IL17RB: variants seen among roughly 807,000 people sequenced by gnomAD.
IL17RB encodes the protein interleukin-17 receptor B.
In IL17RB, 36 loss-of-function variants were observed where a neutral mutation model predicts 43.9. That is an observed-to-expected ratio of 0.82 (90% CI 0.63 to 1.08). The LOEUF (loss-of-function observed/expected upper bound fraction) is 1.08. Among genes scored for constraint, IL17RB ranks in the 50% least tolerant of loss-of-function variants. The probability of loss-of-function intolerance (pLI) is 0.00; values close to 1 mark genes in which losing one functional copy is unlikely to be tolerated. For missense variants in IL17RB, 613 were observed against 613.6 expected (o/e 1.00, Z 0.01); for synonymous variants, 225 against 225.4 (o/e 1.00, Z 0.02).
chr3:53,858,580 C>T lies in IL17RB; in HGVS notation c.748-139C>T, dbSNP rs370520667. 1.8e-5 allele frequency: 26 copies of T among 1,452,788 alleles called. No homozygotes were observed. The African/African-American group carries it at 3.7e-4, about 21-fold the overall frequency. 90.0% of individuals were successfully genotyped at this position (1,452,788 alleles called of 1,614,324 possible). On this transcript the variant is annotated intron_variant, in intron 8 of 10. Coordinates refer to ENST00000288167, the MANE Select transcript of IL17RB (RefSeq NM_018725.4). ...TAGGGCTTTGTTACAGATGTGTGAC[C>T]AAGGGGAAAATGTGCATGACAACAC...
At chr3:53,864,074 T>C (rs1699678438) in intron 10 of IL17RB, among the ~76,000 whole-genome samples, 2 of 152,106 alleles carry the variant, frequency 1.3e-5, no homozygotes, top group African/African-American at 4.8e-5. Context: ...CTACCAGCCT[T>C]GGCCTCCCAA....
At chr3:53,850,644 AAAT>A (rs1699107265) in intron 3 of IL17RB, among the ~76,000 whole-genome samples, 1 of 151,782 alleles carries the variant, frequency 6.6e-6, no homozygotes, top group African/African-American at 2.4e-5. Context: ...TCTCTCCTAA[AAAT>A]ACAAAAAATT....
At position 53,857,694 on chromosome 3, in the gene IL17RB, A is replaced by C; in HGVS notation, c.747+4A>C. The C allele has an allele frequency of 3.1e-6, 5 of 1,612,552 alleles. No individual in the cohort carries two copies. The highest frequency in any genetic ancestry group is 4.2e-6 in the Non-Finnish European group (5 of 1,178,666). On this transcript the variant is annotated splice_donor_region_variant and intron_variant, in intron 8 of 10. Transcript: ENST00000288167. Reference sequence around the variant, plus strand: ...TAGTGAAGGTGCTACGGTGCAGGTAAAGTTCAGTGAGCTGCTCTGGGGAGG... The same window carrying C: ...TAGTGAAGGTGCTACGGTGCAGGTACAGTTCAGTGAGCTGCTCTGGGGAGG...
At chr3:53,859,168 T>C (rs1162899243) in intron 9 of IL17RB, 1 of 175,194 alleles carries the variant, frequency 5.7e-6, no homozygotes, top group Non-Finnish European at 1.2e-5. Flanking sequence ...TATTTCACTA[T>C]ATTCTGATTC....
intron 10 of IL17RB, chr3:53,861,628 G>A (rs947006521): frequency 6.6e-6 from 1 of 152,196 alleles, no homozygotes; most frequent in African/African-American, 2.4e-5. Context: ...AAAGGAAGGT[G>A]AAGCATCTAA....
chr3:53,849,560 T>C (rs1282068105), intron 2 of IL17RB, 95 bp from the exon 3 acceptor site: 3 of 1,071,878 alleles, frequency 2.8e-6, no homozygotes, highest in South Asian at 5.1e-5. Context: ...GAATTGTGAA[T>C]GGGGGAAGGT....
chr3:53,853,139 T>A, intron 5 of IL17RB, 142 bp downstream of exon 5: 1 of 922,500 alleles, frequency 1.1e-6, no homozygotes, highest in Non-Finnish European at 1.7e-6. Flanking sequence ...ATGGACACAG[T>A]AGTAACCATA....
intron 8 of IL17RB, chr3:53,858,235 A>G (rs1699419141): frequency 6.1e-6 from 3 of 494,902 alleles, no homozygotes; most frequent in Non-Finnish European, 8.0e-6. Flanking sequence ...AGGAGCTTCC[A>G]TGCTTCATTC....
chr3:53,855,941 T>C (rs1699319246), intron 6 of IL17RB, among the ~76,000 whole-genome samples: 1 of 152,224 alleles, frequency 6.6e-6, no homozygotes, highest in Non-Finnish European at 1.5e-5. Flanking sequence ...TTTGTGTAAA[T>C]TTCTGAGTAA....
At chr3:53,860,386 G>A (rs936906993) in intron 10 of IL17RB, 158 bp downstream of exon 10, 2 of 492,760 alleles carry the variant, frequency 4.1e-6, no homozygotes, top group East Asian at 3.1e-5. Flanking sequence ...AGACTGATAC[G>A]AGCATGACTG....
intron 7 of IL17RB, among the ~76,000 whole-genome samples, chr3:53,857,265 C>T (rs1443384529): frequency 6.6e-6 from 1 of 152,170 alleles, no homozygotes; most frequent in Non-Finnish European, 1.5e-5. Context: ...TCGAAATCTG[C>T]TCACTCCTGT....
intron 4 of IL17RB, among the ~76,000 whole-genome samples, chr3:53,852,405 G>C (rs541392304): frequency 6.6e-6 from 1 of 152,244 alleles, no homozygotes; most frequent in African/African-American, 2.4e-5. Flanking sequence ...AAAGTGCTGG[G>C]ATTACAGGTA....
chr3:53,860,766 G>GA (rs1699535262), intron 10 of IL17RB: 1 of 151,684 alleles, frequency 6.6e-6, no homozygotes, highest in African/African-American at 2.4e-5. Context: ...TTAAAATATT[G>GA]AAAAAAATGA....
intron 1 of IL17RB, among the ~76,000 whole-genome samples, chr3:53,847,564 C>A (rs962845711): frequency 1.3e-5 from 2 of 151,346 alleles, no homozygotes; most frequent in African/African-American, 4.9e-5. Context: ...GAGGCTGAGG[C>A]GGCCGGATTG....
At chr3:53,848,547 G>T in intron 1 of IL17RB, 117 bp from the exon 2 acceptor site, 1 of 998,738 alleles carries the variant, frequency 1.0e-6, no homozygotes, top group South Asian at 1.3e-5. Context: ...TCTTTTCTTT[G>T]AAAGTTTGTC....
At chr3:53,849,825 C>G (rs770405752) in intron 3 of IL17RB, 30 bp downstream of exon 3, 1 of 1,562,360 alleles carries the variant, frequency 6.4e-7, no homozygotes, top group Non-Finnish European at 8.7e-7. Context: ...AGATAAGGCC[C>G]AAAGTGTCTA....
At chr3:53,849,548 A>G in intron 2 of IL17RB, 107 bp from the exon 3 acceptor site, 4 of 927,518 alleles carry the variant, frequency 4.3e-6, no homozygotes, top group Non-Finnish European at 1.5e-6. Context: ...AAAAGAAGTG[A>G]GGAATTGTGA....
intron 5 of IL17RB, among the ~76,000 whole-genome samples, chr3:53,854,565 T>A (rs549939545): frequency 3.0e-4 from 46 of 152,314 alleles, no homozygotes; most frequent in Non-Finnish European, 5.4e-4. Flanking sequence ...AGACAGGGAA[T>A]TCATACCACA....
intron 3 of IL17RB, among the ~76,000 whole-genome samples, chr3:53,851,568 T>C (rs192260184): frequency 6.6e-6 from 1 of 152,184 alleles, no homozygotes; most frequent in East Asian, 1.9e-4. Flanking sequence ...GGGAGAAGAA[T>C]CAGCATGGAT....
Sources: gnomAD v4.1 joint callset for allele counts (sites outside exome capture counted in the v4.1 genomes callset) on GRCh38, gnomAD v4.1.1 for gene constraint, MANE v1.5 for transcripts, NCBI Gene and HGNC (gene_info 2026-07-23, HGNC 2026-07-21) for gene names.